The following PCDH17 variants were observed in gnomAD, a reference collection of about 807,000 sequenced individuals.
PCDH17 encodes protocadherin 17, also known as protocadherin-17.
PCDH17 carries 21 observed loss-of-function variants against 67.7 expected under a neutral mutation model. That is an observed-to-expected ratio of 0.31 (90% CI 0.22 to 0.45). The LOEUF (loss-of-function observed/expected upper bound fraction) is 0.45, where lower values mean the gene tolerates loss of function less well. Among genes scored for constraint, PCDH17 ranks in the 20% least tolerant of loss-of-function variants. PCDH17 has a pLI of 1.00. For missense variants in PCDH17, 1,471 were observed against 1,564.8 expected (o/e 0.94, Z 1.01); for synonymous variants, 701 against 656.7 (o/e 1.07, Z -1.03).
intron 1 of PCDH17, among the ~76,000 whole-genome samples, chr13:57,654,280 T>C (rs1446832951): frequency 6.6e-6 from 1 of 152,018 alleles, no homozygotes; most frequent in African/African-American, 2.4e-5. Context: ...AAGGCAGCCA[T>C]AGAAAACATG....
intron 1 of PCDH17, among the ~76,000 whole-genome samples, chr13:57,658,904 A>C (rs1265444761): frequency 2.0e-5 from 3 of 151,970 alleles, no homozygotes; most frequent in Non-Finnish European, 4.4e-5. Context: ...CTCAGCCGCC[A>C]TCTCTACTAA....
At chr13:57,642,924 G>T (rs1954922067) in intron 1 of PCDH17, among the ~76,000 whole-genome samples, 1 of 151,446 alleles carries the variant, frequency 6.6e-6, no homozygotes, top group African/African-American at 2.4e-5. Context: ...ACAAACATTT[G>T]CATCAGTTTT....
chr13:57,637,594 G>A (rs1360038901), intron 1 of PCDH17, among the ~76,000 whole-genome samples: 1 of 151,894 alleles, frequency 6.6e-6, no homozygotes, highest in Admixed American at 6.6e-5. Flanking sequence ...AATCTCATGT[G>A]TATTTCTGAA....
intron 3 of PCDH17, among the ~76,000 whole-genome samples, chr13:57,718,687 T>A (rs868512729): frequency 6.6e-6 from 1 of 152,048 alleles, no homozygotes; most frequent in African/African-American, 2.4e-5. Flanking sequence ...GTCAACTCAC[T>A]GAAAGAAAAA....
intron 3 of PCDH17, among the ~76,000 whole-genome samples, chr13:57,704,925 TA>T (rs1955706443): frequency 1.3e-5 from 2 of 152,156 alleles, no homozygotes; most frequent in African/African-American, 4.8e-5. Flanking sequence ...ATCATGTGTA[TA>T]TGTGTATGTA....
chr13:57,692,777 C>T (rs1955570809), intron 3 of PCDH17, among the ~76,000 whole-genome samples: 1 of 151,106 alleles, frequency 6.6e-6, no homozygotes. Context: ...GCTTTCCCAA[C>T]TCAGCTTATA....
Position 57,718,808 on chromosome 13 carries a change from A to C in PCDH17, c.2798-5804A>C, listed in dbSNP as rs532389379. On this transcript the variant is annotated intron_variant, in intron 3 of 3. Coordinates refer to ENST00000377918, the MANE Select transcript of PCDH17 (RefSeq NM_001040429.3). ...GGATAAATTGCAATTTGTTGTGGTC[A>C]TAGAAAAATGTGTGCACATGCATGT... Among the ~76,000 whole-genome samples the C allele has an allele frequency of 4.5e-4, 68 of 152,042 alleles. 4 individuals carry two copies. In the South Asian group the frequency reaches 0.014, roughly 31 times the overall value.
At chr13:57,663,757 T>A (rs958599000) in intron 1 of PCDH17, among the ~76,000 whole-genome samples, 8 of 152,200 alleles carry the variant, frequency 5.3e-5, no homozygotes, top group Non-Finnish European at 1.2e-4. Flanking sequence ...AAATTGTACT[T>A]TGTGAAATTC....
At chr13:57,708,803 G>A (rs1273835922) in intron 3 of PCDH17, among the ~76,000 whole-genome samples, 1 of 151,872 alleles carries the variant, frequency 6.6e-6, no homozygotes, top group African/African-American at 2.4e-5. Flanking sequence ...TAAAAATAAA[G>A]TTACTCTCAC....
At chr13:57,720,662 A>G (rs1955864962) in intron 3 of PCDH17, among the ~76,000 whole-genome samples, 3 of 152,040 alleles carry the variant, frequency 2.0e-5, no homozygotes, top group African/African-American at 7.2e-5. Context: ...TTTCTATTTT[A>G]TTAACGAATT....
At chr13:57,690,618 C>T (rs140384724) in intron 3 of PCDH17, among the ~76,000 whole-genome samples, 219 of 151,448 alleles carry the variant, frequency 1.4e-3, no homozygotes, top group African/African-American at 5.1e-3. Flanking sequence ...GAGGTGAAAA[C>T]AAGGAAAATC....
intron 1 of PCDH17, among the ~76,000 whole-genome samples, chr13:57,654,936 T>C (rs2592868): frequency 0.81 from 122,760 of 151,820 alleles, 49,776 homozygotes; most frequent in South Asian, 0.88. Flanking sequence ...TCTTTCATTA[T>C]GTTTTTGGAT....
chr13:57,660,841 C>T (rs1255547544), intron 1 of PCDH17, among the ~76,000 whole-genome samples: 1 of 152,102 alleles, frequency 6.6e-6, no homozygotes, highest in Non-Finnish European at 1.5e-5. Flanking sequence ...GAGATTCATT[C>T]GGGTTGTTAC....
At chr13:57,681,950 A>G (rs1471980648) in intron 3 of PCDH17, among the ~76,000 whole-genome samples, 2 of 151,852 alleles carry the variant, frequency 1.3e-5, no homozygotes, top group Non-Finnish European at 2.9e-5. Context: ...ATGAGACTCT[A>G]CAATGTACAA....
At chr13:57,720,181 C>G (rs1189021821) in intron 3 of PCDH17, among the ~76,000 whole-genome samples, 2 of 151,822 alleles carry the variant, frequency 1.3e-5, no homozygotes, top group African/African-American at 4.8e-5. Context: ...TAAGATTAAG[C>G]TATTAAACTG....
chr13:57,688,411 A>C (rs531135641), intron 3 of PCDH17, among the ~76,000 whole-genome samples: 1 of 152,194 alleles, frequency 6.6e-6, no homozygotes, highest in African/African-American at 2.4e-5. Flanking sequence ...ACATTGACTA[A>C]ATGACAATTG....
intron 3 of PCDH17, among the ~76,000 whole-genome samples, chr13:57,694,053 C>T (rs1214672582): frequency 1.3e-5 from 2 of 150,594 alleles, no homozygotes; most frequent in Non-Finnish European, 3.0e-5. Flanking sequence ...ATTTCATAGC[C>T]AAGTTTTATA....
chr13:57,690,175 A>C (rs1006238708), intron 3 of PCDH17, among the ~76,000 whole-genome samples: 1 of 151,730 alleles, frequency 6.6e-6, no homozygotes. Flanking sequence ...TTTTAAAATC[A>C]TGCATGAAAA....
chr13:57,635,027 G>A lies in PCDH17; in HGVS notation c.2481G>A (p.Gln827=). Residue 827 remains glutamine (Q), a synonymous_variant, in exon 1 of 4, where the codon CAG becomes CAA. Transcript: ENST00000377918. ...CCTCCAACAACCTGACTGTCCCTCA[G>A]GGGCACGCGGGCTGCCACACCAGCT... The part of the protein sequence containing the change: ...KPASNNLTVP[Q]GHAGCHTSFT... 1 of 1,613,338 alleles carries A rather than the reference G, an allele frequency of 6.2e-7. No individual in the cohort carries two copies. The highest frequency in any genetic ancestry group is 8.5e-7 in the Non-Finnish European group (1 of 1,180,012).
Sources: gnomAD v4.1 joint callset for allele counts (sites outside exome capture counted in the v4.1 genomes callset) on GRCh38, gnomAD v4.1.1 for gene constraint, MANE v1.5 for transcripts, NCBI Gene and HGNC (gene_info 2026-07-23, HGNC 2026-07-21) for gene names.